The following PPP2R2C variants were observed in gnomAD, a reference collection of about 807,000 sequenced individuals.
PPP2R2C encodes the protein protein phosphatase 2, regulatory subunit B, gamma.
In PPP2R2C, 10 loss-of-function variants were observed where a neutral mutation model predicts 45.3. That is an observed-to-expected ratio of 0.22 (90% CI 0.14 to 0.37). The LOEUF is 0.37. Among genes scored for constraint, PPP2R2C ranks in the 10% least tolerant of loss-of-function variants. The probability of loss-of-function intolerance (pLI) is 1.00; values close to 1 mark genes in which losing one functional copy is unlikely to be tolerated. For missense variants in PPP2R2C, 308 were observed against 619.7 expected, an observed-to-expected ratio of 0.50 and a Z score of 5.34; for synonymous variants, 257 against 245.4, an observed-to-expected ratio of 1.05 and a Z score of -0.44.
At chr4:6,416,415 G>A (rs1337059729) in intron 1 of PPP2R2C, among the ~76,000 whole-genome samples, 1 of 152,214 alleles carries the variant, frequency 6.6e-6, no homozygotes, top group Non-Finnish European at 1.5e-5. Flanking sequence ...CTCAGAGGCA[G>A]TCCATCAGCA....
chr4:6,481,714 C>CA (rs1285870578), intron 2 of PPP2R2C, among the ~76,000 whole-genome samples: 7 of 152,098 alleles, frequency 4.6e-5, no homozygotes, highest in Non-Finnish European at 8.8e-5. Flanking sequence ...CATGGTAACT[C>CA]ACGCCTGTAA....
chr4:6,399,648 G>A (rs1717282856), intron 1 of PPP2R2C, among the ~76,000 whole-genome samples: 1 of 152,242 alleles, frequency 6.6e-6, no homozygotes, highest in Non-Finnish European at 1.5e-5. Context: ...AGCGTGGGCA[G>A]CCTGAGCTGA....
rs1725633365 is a variant in PPP2R2C, at chr4:6,563,059, C to T, written c.-59+501G>A. On this transcript the variant is annotated intron_variant, in intron 1 of 9. Transcript: ENST00000506140. The surrounding 1 kb of genome is among the most constrained non-coding windows in gnomAD (Gnocchi z 5.8). ...CAGCGGGAGGAGCGCGTAGACGCTG[C>T]TGGATGGTACCCGCGGCCGGGACTG... 6.6e-6 allele frequency among the ~76,000 whole-genome samples: 1 copy of T among 152,124 alleles called. No individual in the cohort carries two copies. The highest frequency in any genetic ancestry group is 2.1e-4 in the South Asian group (1 of 4,830).
intron 1 of PPP2R2C, among the ~76,000 whole-genome samples, chr4:6,546,558 C>T (rs1172977730): frequency 1.3e-5 from 2 of 152,184 alleles, no homozygotes; most frequent in East Asian, 3.9e-4. Context: ...TCTGACAAAG[C>T]CTTCTCAGGC....
chr4:6,451,191 G>T (rs1720715658), intron 1 of PPP2R2C, among the ~76,000 whole-genome samples: 2 of 152,126 alleles, frequency 1.3e-5, no homozygotes, highest in East Asian at 1.9e-4. Flanking sequence ...CACAGACCTT[G>T]TCAATCGTAC....
chr4:6,560,781 G>A (rs1725549499), intron 1 of PPP2R2C, among the ~76,000 whole-genome samples: 1 of 152,226 alleles, frequency 6.6e-6, no homozygotes, highest in African/African-American at 2.4e-5. Context: ...CCTGACAGCT[G>A]AATCTTTGAA....
At chr4:6,538,204 G>A (rs190078752) in intron 1 of PPP2R2C, among the ~76,000 whole-genome samples, 127 of 152,114 alleles carry the variant, frequency 8.3e-4, no homozygotes, top group African/African-American at 2.3e-3. Context: ...CCACTGAGGC[G>A]GGCACCCCTA....
intron 2 of PPP2R2C, among the ~76,000 whole-genome samples, chr4:6,512,900 A>T (rs1444743532): frequency 1.3e-5 from 2 of 152,092 alleles, no homozygotes; most frequent in East Asian, 3.8e-4. Flanking sequence ...GATAAAACCC[A>T]GTGAAATCAG....
At chr4:6,558,958 C>A (rs894926844) in intron 1 of PPP2R2C, among the ~76,000 whole-genome samples, 20 of 152,062 alleles carry the variant, frequency 1.3e-4, no homozygotes, top group African/African-American at 4.8e-4. Flanking sequence ...CCCAGCCCTG[C>A]GGCTCTGATG....
intron 1 of PPP2R2C, among the ~76,000 whole-genome samples, chr4:6,420,211 G>C (rs1352927489): frequency 6.6e-6 from 1 of 152,164 alleles, no homozygotes; most frequent in Non-Finnish European, 1.5e-5. Flanking sequence ...CCCAAGGACA[G>C]GCTGTGCAAC....
chr4:6,492,851 C>T (rs754393075), intron 2 of PPP2R2C, among the ~76,000 whole-genome samples: 1 of 152,084 alleles, frequency 6.6e-6, no homozygotes. Context: ...AGGAGGGAGG[C>T]CTGTCAAAGG....
rs977497298 is a variant in PPP2R2C, at chr4:6,330,289, G to A, written c.961-936C>T. ...AGGGAAGGTAACTGGGTGCCATGGA[G>A]CCTGGTTTCAACTCCCAGGAGTTGA... On this transcript the variant is annotated intron_variant, in intron 7 of 8. Coordinates refer to ENST00000382599, the MANE Select transcript of PPP2R2C (RefSeq NM_020416.4). This position sits in a 1 kb window ranked among gnomAD's most constrained non-coding sequence, Gnocchi z 7.0. Among the ~76,000 whole-genome samples, 1 of 152,216 alleles carries A rather than the reference G, an allele frequency of 6.6e-6. No individual in the cohort carries two copies. Among genetic ancestry groups the A allele is most frequent in the African/African-American group, 2.4e-5 (1 of 41,452 alleles).
chr4:6,510,653 T>C (rs543859203), intron 2 of PPP2R2C, among the ~76,000 whole-genome samples: 1 of 152,146 alleles, frequency 6.6e-6, no homozygotes, highest in African/African-American at 2.4e-5. Flanking sequence ...CCCCTGGAAA[T>C]GTGCCTGATA....
rs576181971 is a variant in PPP2R2C at position 6,329,145 on chromosome 4, G to A, written c.1052+117C>T. 2 of 908,808 alleles carry A rather than the reference G, an allele frequency of 2.2e-6. No individual in the cohort carries two copies. Among genetic ancestry groups the A allele is most frequent in the African/African-American group, 3.3e-5 (2 of 61,162 alleles). 56.3% of individuals were successfully genotyped at this position (908,808 alleles called of 1,614,324 possible). On this transcript the variant is annotated intron_variant, in intron 8 of 8. Coordinates refer to ENST00000382599, the MANE Select transcript of PPP2R2C (RefSeq NM_020416.4). This position sits in a 1 kb window ranked among gnomAD's most constrained non-coding sequence, Gnocchi z 5.8. Reference sequence around the variant, plus strand: ...AGCGTGGGCTTCACCCAGACACCTGGACCCATTGAGGCTGAGTAGCCCCAT... The same window carrying A: ...AGCGTGGGCTTCACCCAGACACCTGAACCCATTGAGGCTGAGTAGCCCCAT...
intron 1 of PPP2R2C, among the ~76,000 whole-genome samples, chr4:6,454,123 G>A (rs1210078083): frequency 6.6e-6 from 1 of 152,212 alleles, no homozygotes; most frequent in Non-Finnish European, 1.5e-5. Context: ...ACAAGAGGGT[G>A]TTGCTCAGGA....
rs909428740 is a variant in PPP2R2C at position 6,490,964 on chromosome 4, G to A, written c.49+44307C>T. 3.9e-5 allele frequency among the ~76,000 whole-genome samples: 6 copies of A among 152,144 alleles called. No homozygotes were observed. In the South Asian group the frequency reaches 6.2e-4, roughly 16 times the overall value. ...ACATGAGCAGTGGATAAGACCTGAC[G>A]CCAGGAGGCCTGGCTGCAGAGCTGT... On this transcript the variant is annotated intron_variant, in intron 2 of 9. Coordinates refer to the PPP2R2C transcript ENST00000506140.
At chr4:6,419,157 C>T (rs1718799269) in intron 1 of PPP2R2C, among the ~76,000 whole-genome samples, 1 of 152,168 alleles carries the variant, frequency 6.6e-6, no homozygotes, top group Non-Finnish European at 1.5e-5. Flanking sequence ...GAAAAATGTG[C>T]AACAGATCCT....
At chr4:6,397,373 A>T (rs1237331250) in intron 1 of PPP2R2C, among the ~76,000 whole-genome samples, 1 of 152,214 alleles carries the variant, frequency 6.6e-6, no homozygotes, top group East Asian at 1.9e-4. Flanking sequence ...CTTGATAAAC[A>T]GAATATTGTT....
rs999849424 is a variant in PPP2R2C at position 6,540,039 on chromosome 4, C to T, written c.-58-4662G>A. Among the ~76,000 whole-genome samples the T allele has an allele frequency of 5.3e-5, 8 of 152,344 alleles. No individual in the cohort carries two copies. In the South Asian group the frequency reaches 1.7e-3, roughly 32 times the overall value. On this transcript the variant is annotated intron_variant, in intron 1 of 9. Coordinates refer to the PPP2R2C transcript ENST00000506140. ...TGACACCAAGCTTCTCACTTTAAAG[C>T]ATATGCAGTCTTTAATCACAGCTTT...
Sources: gnomAD v4.1 joint callset for allele counts (sites outside exome capture counted in the v4.1 genomes callset) on GRCh38, gnomAD v4.1.1 for gene constraint, Gnocchi (gnomAD v3.1) non-coding constraint, MANE v1.5 for transcripts, NCBI Gene and HGNC (gene_info 2026-07-23, HGNC 2026-07-21) for gene names.